The following LINC00305 variants were observed in gnomAD, a reference collection of about 807,000 sequenced individuals.
The protein encoded by LINC00305 is long independently transcribed non-coding RNA 305, also known as long intergenic non-protein coding RNA 305.
At chr18:64,117,481 TTA>T (rs773274678) in intron 1 of LINC00305, among the ~76,000 whole-genome samples, 77 of 152,348 alleles carry the variant, frequency 5.1e-4, no homozygotes, top group Middle Eastern at 3.4e-3. Flanking sequence ...TCCGTGAATT[TTA>T]TATGTCTTGT....
At chr18:64,093,956 A>G (rs182226810) in intron 3 of LINC00305, among the ~76,000 whole-genome samples, 1 of 152,192 alleles carries the variant, frequency 6.6e-6, no homozygotes, top group African/African-American at 2.4e-5. Context: ...AATATGAGAA[A>G]TAGAAAAGTA....
intron 1 of LINC00305, among the ~76,000 whole-genome samples, chr18:64,113,905 G>A (rs999128746): frequency 1.3e-5 from 2 of 152,006 alleles, no homozygotes; most frequent in Admixed American, 6.6e-5. Flanking sequence ...CATTTCTACT[G>A]GTATATTCAC....
At chr18:64,117,487 G>C (rs2051342891) in intron 1 of LINC00305, among the ~76,000 whole-genome samples, 1 of 152,124 alleles carries the variant, frequency 6.6e-6, no homozygotes, top group Non-Finnish European at 1.5e-5. Context: ...AATTTTATAT[G>C]TCTTGTGCTA....
chr18:64,128,682 G>A (rs1463337904), intron 1 of LINC00305, among the ~76,000 whole-genome samples: 4 of 152,160 alleles, frequency 2.6e-5, no homozygotes, highest in South Asian at 4.1e-4. Context: ...GCGTGTATGG[G>A]CATGGCCATA....
At chr18:64,095,778 A>C (rs1222830353) in intron 3 of LINC00305, among the ~76,000 whole-genome samples, 1 of 152,172 alleles carries the variant, frequency 6.6e-6, no homozygotes, top group Non-Finnish European at 1.5e-5. Flanking sequence ...ATATATACAT[A>C]ATCAATGTTT....
chr18:64,125,177 T>C (rs1255364468), intron 1 of LINC00305, among the ~76,000 whole-genome samples: 1 of 152,146 alleles, frequency 6.6e-6, no homozygotes, highest in Non-Finnish European at 1.5e-5. Flanking sequence ...TTCCTGCTTC[T>C]AGTTTTTCAT....
chr18:64,113,814 C>T (rs570540303), intron 1 of LINC00305, among the ~76,000 whole-genome samples: 9 of 152,286 alleles, frequency 5.9e-5, no homozygotes, highest in African/African-American at 2.2e-4. Context: ...GGAGAGGCTG[C>T]TCTTTTCCAT....
chr18:64,128,423 A>G (rs2051395064), intron 1 of LINC00305, among the ~76,000 whole-genome samples: 1 of 152,108 alleles, frequency 6.6e-6, no homozygotes, highest in Non-Finnish European at 1.5e-5. Flanking sequence ...AGGAAGTTGA[A>G]AAACCTTTAC....
intron 3 of LINC00305, among the ~76,000 whole-genome samples, chr18:64,085,531 C>T (rs1016072814): frequency 2.0e-5 from 3 of 151,766 alleles, no homozygotes; most frequent in Non-Finnish European, 4.4e-5. Flanking sequence ...GGCACAATCT[C>T]GGCTCACGGC....
intron 1 of LINC00305, among the ~76,000 whole-genome samples, chr18:64,112,491 C>T (rs2051319281): frequency 6.6e-6 from 1 of 152,036 alleles, no homozygotes; most frequent in Non-Finnish European, 1.5e-5. Context: ...ATGCATTTTC[C>T]TCAAAGATAA....
At chr18:64,143,875 T>C (rs2051484417) in intron 1 of LINC00305, among the ~76,000 whole-genome samples, 1 of 152,058 alleles carries the variant, frequency 6.6e-6, no homozygotes, top group African/African-American at 2.4e-5. Flanking sequence ...TACATATATG[T>C]ATACATGTAT....
In LINC00305 at chr18:64,098,267, C is replaced by T. The variant is rs145488383; in HGVS notation, n.379-272G>A. On this transcript the variant is annotated intron_variant and non_coding_transcript_variant, in intron 2 of 3. Transcript: ENST00000666468. The stretch of plus-strand genomic sequence containing the variant: ...ATAAACCTGACCGTGTTTATAGGTA[C>T]GGCAGAAAATGAAGACCCAGGAGTG... 5.2e-3 allele frequency among the ~76,000 whole-genome samples: 785 copies of T among 152,222 alleles called. 8 individuals are homozygous for T. Among genetic ancestry groups the T allele is most frequent in the African/African-American group, 0.018 (755 of 41,526 alleles).
chr18:64,124,011 A>G (rs2051373847), intron 1 of LINC00305, among the ~76,000 whole-genome samples: 1 of 152,036 alleles, frequency 6.6e-6, no homozygotes. Context: ...AGATGCAGGT[A>G]CCCAGTCTTG....
intron 1 of LINC00305, among the ~76,000 whole-genome samples, chr18:64,104,472 AC>A (rs571945334): frequency 1.1e-4 from 16 of 152,158 alleles, no homozygotes; most frequent in Non-Finnish European, 1.8e-4. Flanking sequence ...CCTCCTGAGA[AC>A]CCAACCTGCA....
intron 3 of LINC00305, among the ~76,000 whole-genome samples, chr18:64,080,871 A>G (rs1421903823): frequency 6.6e-6 from 1 of 152,182 alleles, no homozygotes; most frequent in Non-Finnish European, 1.5e-5. Context: ...CTTATTTTAA[A>G]TCTTTTTCTT....
intron 1 of LINC00305, among the ~76,000 whole-genome samples, chr18:64,143,617 C>CACATATGTATGTGTACATATGTAT (rs2051478806): frequency 8.7e-6 from 1 of 115,036 alleles, no homozygotes; most frequent in Non-Finnish European, 1.9e-5. Flanking sequence ...TACATATGTA[C>CACATATGTATGTGTACATATGTAT]ACATATGTAT....
intron 1 of LINC00305, among the ~76,000 whole-genome samples, chr18:64,117,207 T>C (rs2051341633): frequency 6.6e-6 from 1 of 152,200 alleles, no homozygotes; most frequent in Admixed American, 6.5e-5. Context: ...CTGAACACTT[T>C]CCTTATGGAA....
intron 3 of LINC00305, among the ~76,000 whole-genome samples, chr18:64,090,187 A>G (rs903562910): frequency 1.3e-5 from 2 of 152,264 alleles, no homozygotes; most frequent in Admixed American, 1.3e-4. Flanking sequence ...GTTTGGGAAC[A>G]GAAAGCATTA....
intron 1 of LINC00305, among the ~76,000 whole-genome samples, chr18:64,100,401 A>G (rs1425815998): frequency 1.3e-5 from 2 of 152,262 alleles, no homozygotes; most frequent in East Asian, 1.9e-4. Flanking sequence ...TGTGTTCACC[A>G]CAACCTCAGG....
Sources: gnomAD v4.1 joint callset for allele counts (sites outside exome capture counted in the v4.1 genomes callset) on GRCh38, gnomAD v4.1.1 for gene constraint, MANE v1.5 for transcripts, NCBI Gene and HGNC (gene_info 2026-07-23, HGNC 2026-07-21) for gene names.